Variants in KIFAP3 observed in about 807,000 individuals in gnomAD.
KIFAP3 encodes the protein kinesin associated protein 3, also known as kinesin-associated protein 3.
Under a neutral mutation model 106.5 loss-of-function variants are expected in KIFAP3, and 68 were observed. The observed-to-expected ratio is 0.64, with a 90% confidence interval of 0.53 to 0.78. The LOEUF is 0.78. Among genes scored for constraint, KIFAP3 ranks in the 30% least tolerant of loss-of-function variants. The pLI is 0.00. For missense variants in KIFAP3, 780 were observed against 941.8 expected (o/e 0.83, Z 2.25); for synonymous variants, 320 against 311.5 (o/e 1.03, Z -0.29).
chr1:169,979,861 A>AC (rs991079377), intron 15 of KIFAP3, among the ~76,000 whole-genome samples: 4 of 146,806 alleles, frequency 2.7e-5, no homozygotes, highest in Non-Finnish European at 5.9e-5. Context: ...CCTCCCCCCC[A>AC]CAAAAACCTA....
At chr1:169,931,947 C>A (rs1465910649) in intron 19 of KIFAP3, among the ~76,000 whole-genome samples, 2 of 152,146 alleles carry the variant, frequency 1.3e-5, no homozygotes, top group East Asian at 3.8e-4. Context: ...TATGCACTCT[C>A]TTAATGATTT....
At chr1:170,047,620 CAAAAA>C (rs1165754265) in intron 2 of KIFAP3, among the ~76,000 whole-genome samples, 1 of 46,196 alleles carries the variant, frequency 2.2e-5, no homozygotes, top group Non-Finnish European at 4.6e-5. Flanking sequence ...GGCTCTGTCT[CAAAAA>C]AAAAAAAAAA....
At chr1:169,936,793 T>A (rs1663829144) in intron 19 of KIFAP3, among the ~76,000 whole-genome samples, 1 of 151,622 alleles carries the variant, frequency 6.6e-6, no homozygotes, top group Admixed American at 6.6e-5. Context: ...CATTCTTTTC[T>A]AAATATCATT....
At chr1:169,965,928 G>A (rs1665590155) in intron 17 of KIFAP3, among the ~76,000 whole-genome samples, 1 of 151,860 alleles carries the variant, frequency 6.6e-6, no homozygotes, top group Non-Finnish European at 1.5e-5. Flanking sequence ...ACAGAACCTA[G>A]CACCAAATGT....
intron 16 of KIFAP3, among the ~76,000 whole-genome samples, chr1:169,972,804 G>GA (rs1218827773): frequency 6.6e-6 from 1 of 151,474 alleles, no homozygotes; most frequent in African/African-American, 2.4e-5. Context: ...ATAAAAAAGA[G>GA]AAAAATCTAG....
At chr1:170,039,875 T>C (rs16862978) in intron 3 of KIFAP3, among the ~76,000 whole-genome samples, 2,905 of 152,236 alleles carry the variant, frequency 0.019, 95 homozygotes, top group African/African-American at 0.066. Flanking sequence ...TCCAAAGGTG[T>C]TGAACACAAG....
intron 1 of KIFAP3, among the ~76,000 whole-genome samples, chr1:170,063,240 G>T (rs1208207727): frequency 6.6e-6 from 1 of 152,100 alleles, no homozygotes; most frequent in Admixed American, 6.6e-5. Context: ...TTCCCTAATT[G>T]CTCTGATAGA....
At chr1:170,018,061 G>C (rs1668612939) in intron 9 of KIFAP3, among the ~76,000 whole-genome samples, 2 of 152,152 alleles carry the variant, frequency 1.3e-5, no homozygotes, top group South Asian at 4.1e-4. Context: ...CAACCTATGA[G>C]CTAAGAATGG....
chr1:169,933,235 C>T (rs1663593231), intron 19 of KIFAP3, among the ~76,000 whole-genome samples: 1 of 151,818 alleles, frequency 6.6e-6, no homozygotes, highest in African/African-American at 2.4e-5. Flanking sequence ...TGTTTTGCAG[C>T]CATTAGTTCA....
intron 1 of KIFAP3, among the ~76,000 whole-genome samples, chr1:170,080,639 T>TA (rs1672005505): frequency 6.6e-6 from 1 of 152,138 alleles, no homozygotes; most frequent in Admixed American, 6.6e-5. Context: ...GATAATTTCT[T>TA]AAAACTTTTT....
At chr1:169,951,043 C>G (rs1336606167) in intron 19 of KIFAP3, among the ~76,000 whole-genome samples, 1 of 151,752 alleles carries the variant, frequency 6.6e-6, no homozygotes, top group African/African-American at 2.4e-5. Flanking sequence ...AGCAAAAAAG[C>G]AAATGATTCC....
intron 19 of KIFAP3, among the ~76,000 whole-genome samples, chr1:169,944,944 C>T (rs1256713914): frequency 6.6e-6 from 1 of 152,122 alleles, no homozygotes; most frequent in Admixed American, 6.5e-5. Flanking sequence ...CAGCCTGGTC[C>T]CCAGGCTCAG....
chr1:170,023,478 G>T (rs1255986783), intron 9 of KIFAP3, among the ~76,000 whole-genome samples: 1 of 151,988 alleles, frequency 6.6e-6, no homozygotes, highest in Non-Finnish European at 1.5e-5. Context: ...ATCCTCAATG[G>T]AGTTAAGGTC....
At position 170,082,232 on chromosome 1, in the gene KIFAP3, C is replaced by T. The variant is rs373859320; in HGVS notation, n.174+2803G>A. 1.2e-3 allele frequency among the ~76,000 whole-genome samples: 179 copies of T among 152,300 alleles called. 1 individual carries two copies. Among genetic ancestry groups the T allele is most frequent in the African/African-American group, 4.0e-3 (167 of 41,564 alleles). ...TGATACAAATTGTGGGATATTCACA[C>T]AATGGATACTACTTAGCATCAAGAA... On this transcript the variant is annotated intron_variant and non_coding_transcript_variant, in intron 1 of 5. Transcript: ENST00000490550.
chr1:169,998,094 C>T (rs1028935411), intron 10 of KIFAP3, among the ~76,000 whole-genome samples: 2 of 151,326 alleles, frequency 1.3e-5, no homozygotes, highest in Admixed American at 1.3e-4. Flanking sequence ...CCCCTCCACA[C>T]ACATTCAGAA....
intron 19 of KIFAP3, among the ~76,000 whole-genome samples, chr1:169,946,133 GGTTA>G (rs1664427771): frequency 6.6e-6 from 1 of 152,042 alleles, no homozygotes; most frequent in Non-Finnish European, 1.5e-5. Context: ...AATTTAAACT[GGTTA>G]ATTAGCTGAA....
intron 19 of KIFAP3, among the ~76,000 whole-genome samples, chr1:169,952,970 T>C (rs997774155): frequency 6.6e-6 from 1 of 152,026 alleles, no homozygotes; most frequent in South Asian, 2.1e-4. Flanking sequence ...AAATAGCTTA[T>C]CCTAATGAAA....
upstream of KIFAP3, chr1:170,074,713 C>T: frequency 9.4e-6 from 13 of 1,390,092 alleles, 1 homozygote; most frequent in South Asian, 2.0e-4. Context: ...GCCGTCACGA[C>T]GCATGCGCTT....
Position 169,923,027 on chromosome 1 carries a change from A to G in KIFAP3, c.2274-1246T>C, listed in dbSNP as rs1027115320. The G allele has an allele frequency of 3.3e-6, 3 of 913,686 alleles. No individual in the cohort carries two copies. In the African/African-American group the frequency reaches 5.4e-5, roughly 16 times the overall value. 56.6% of individuals were successfully genotyped at this position (913,686 alleles called of 1,614,324 possible). A position where few individuals can be genotyped will look rare whatever the true frequency, so the allele number is the denominator to read the frequency against. Reference sequence around the variant, plus strand: ...CTTGTGTGTATTAAGATGGAACTAAAGAGTAAATGTAAAGAGCCAAAATAC... The same window carrying G: ...CTTGTGTGTATTAAGATGGAACTAAGGAGTAAATGTAAAGAGCCAAAATAC... On this transcript the variant is annotated intron_variant, in intron 19 of 19. Transcript: ENST00000361580.
Sources: allele counts gnomAD v4.1 joint callset (sites outside exome capture counted in the v4.1 genomes callset), GRCh38; gene constraint gnomAD v4.1.1; transcripts MANE v1.5; gene names NCBI Gene and HGNC (gene_info 2026-07-23, HGNC 2026-07-21).